Variants in MECOM observed in about 807,000 individuals in gnomAD.
The protein encoded by MECOM is MDS1 and EVI1 complex locus.
Under a neutral mutation model 116.3 loss-of-function variants are expected in MECOM, and 13 were observed. The observed-to-expected ratio is 0.11, with a 90% CI of 0.07 to 0.18. The LOEUF is 0.18. MECOM is among the 10% of genes least tolerant of loss of function. The pLI is 1.00. For synonymous variants in MECOM, 528 were observed against 535.2 expected (o/e 0.99, Z 0.19); for missense variants, 1,299 against 1,509.0 (o/e 0.86, Z 2.31).
At chr3:169,463,985 C>A (rs770868583) in intron 1 of MECOM, 1 of 152,052 alleles carries the variant, frequency 6.6e-6, no homozygotes, top group East Asian at 1.9e-4. Flanking sequence ...CCTTAATCTG[C>A]GAAGTTTCTG....
intron 1 of MECOM, among the ~76,000 whole-genome samples, chr3:169,469,286 C>G (rs1019101972): frequency 6.6e-6 from 1 of 152,108 alleles, no homozygotes; most frequent in Admixed American, 6.6e-5. Flanking sequence ...ATGTGTGGAA[C>G]AGTAAGAAGT....
chr3:169,097,308 C>T (rs1046057059), intron 12 of MECOM, among the ~76,000 whole-genome samples: 3 of 152,048 alleles, frequency 2.0e-5, no homozygotes, highest in African/African-American at 7.2e-5. Context: ...TCAGTTGTTA[C>T]TTTCTATCTC....
intron 2 of MECOM, among the ~76,000 whole-genome samples, chr3:169,158,142 A>G (rs1043105758): frequency 6.6e-6 from 1 of 152,096 alleles, no homozygotes; most frequent in Non-Finnish European, 1.5e-5. Context: ...AATTTAAATG[A>G]CTCACTAAGT....
chr3:169,346,358 A>G (rs982772144), intron 2 of MECOM, among the ~76,000 whole-genome samples: 1 of 152,070 alleles, frequency 6.6e-6, no homozygotes, highest in Non-Finnish European at 1.5e-5. Flanking sequence ...ATGAACCATC[A>G]TCATACATTC....
At chr3:169,283,414 C>CA (rs59862177) in intron 2 of MECOM, among the ~76,000 whole-genome samples, 35,258 of 143,312 alleles carry the variant, frequency 0.25, 8,630 homozygotes, top group African/African-American at 0.63. Context: ...GACCCCATCT[C>CA]AAAAAAAAAA....
At chr3:169,171,745 T>C (rs552940245) in intron 2 of MECOM, among the ~76,000 whole-genome samples, 10 of 152,090 alleles carry the variant, frequency 6.6e-5, no homozygotes, top group African/African-American at 2.4e-4. Context: ...TATTGTAAAA[T>C]GGGAAAGACC....
chr3:169,401,643 C>T (rs1735925407), intron 1 of MECOM, among the ~76,000 whole-genome samples: 2 of 151,896 alleles, frequency 1.3e-5, no homozygotes, highest in Admixed American at 6.6e-5. Flanking sequence ...AGTGGCCACA[C>T]CCAAGAAGGG....
At chr3:169,195,374 A>T (rs1405782655) in intron 2 of MECOM, among the ~76,000 whole-genome samples, 1 of 152,046 alleles carries the variant, frequency 6.6e-6, no homozygotes, top group East Asian at 1.9e-4. Context: ...GTAGAATGTG[A>T]CTAAAGCAAA....
chr3:169,148,487 TA>T (rs1740539563), intron 2 of MECOM, among the ~76,000 whole-genome samples: 1 of 152,218 alleles, frequency 6.6e-6, no homozygotes, highest in Non-Finnish European at 1.5e-5. Flanking sequence ...TTGTAAGATT[TA>T]GTAAATCCCA....
chr3:169,573,502 C>A (rs1412656522), intron 1 of MECOM, among the ~76,000 whole-genome samples: 1 of 152,186 alleles, frequency 6.6e-6, no homozygotes, highest in African/African-American at 2.4e-5. Flanking sequence ...GTCAGCCAGA[C>A]TGCCTGCCTC....
intron 1 of MECOM, among the ~76,000 whole-genome samples, chr3:169,406,528 T>A (rs1736716807): frequency 6.6e-6 from 1 of 152,216 alleles, no homozygotes; most frequent in African/African-American, 2.4e-5. Flanking sequence ...CTGATGAAGA[T>A]ATCATTTTTA....
chr3:169,520,994 G>A (rs1757284750), intron 1 of MECOM, among the ~76,000 whole-genome samples: 1 of 152,086 alleles, frequency 6.6e-6, no homozygotes, highest in Non-Finnish European at 1.5e-5. Flanking sequence ...ATATACACAA[G>A]GTCTGTCATA....
intron 1 of MECOM, among the ~76,000 whole-genome samples, chr3:169,514,846 G>C (rs1041877645): frequency 6.6e-6 from 1 of 152,110 alleles, no homozygotes; most frequent in East Asian, 1.9e-4. Context: ...TAATATCTGA[G>C]AGCCAGTATA....
chr3:169,148,294 T>C lies in MECOM; in HGVS notation c.376-4462A>G, dbSNP rs532320903. 9.2e-5 allele frequency among the ~76,000 whole-genome samples: 14 copies of C among 152,330 alleles called. No individual in the cohort carries two copies. The South Asian group carries it at 2.9e-3, about 32-fold the overall frequency. ...CAATAAGCAATTTGACGACTCAGAT[T>C]ATTTTTGAACGTTTAACATCATAAA... On this transcript the variant is annotated intron_variant, in intron 2 of 16. Coordinates refer to ENST00000651503, the MANE Select transcript of MECOM (RefSeq NM_004991.4).
At chr3:169,536,751 A>G (rs1471703292) in intron 1 of MECOM, among the ~76,000 whole-genome samples, 3 of 152,176 alleles carry the variant, frequency 2.0e-5, no homozygotes, top group Admixed American at 6.5e-5. Flanking sequence ...TTTTAATTTT[A>G]ACACTTACCA....
chr3:169,386,160 C>T lies in MECOM; in HGVS notation c.38-4636G>A, dbSNP rs1172091086. Among the ~76,000 whole-genome samples, 4 of 152,092 alleles carry T rather than the reference C, an allele frequency of 2.6e-5. No individual in the cohort carries two copies. In the East Asian group the frequency reaches 5.8e-4, roughly 22 times the overall value. On this transcript the variant is annotated intron_variant, in intron 1 of 16. Transcript: ENST00000651503. ...TTTATATGTGTCTTTGAATAACTAC[C>T]ATAGGTTTCCACTTCAGAAGTATTC...
intron 2 of MECOM, among the ~76,000 whole-genome samples, chr3:169,184,315 G>A (rs755288021): frequency 5.9e-5 from 9 of 152,084 alleles, no homozygotes; most frequent in Non-Finnish European, 1.2e-4. Context: ...GGACTTCAAA[G>A]GGAGAAAATG....
At chr3:169,354,414 A>C (rs1472166170) in intron 2 of MECOM, among the ~76,000 whole-genome samples, 1 of 151,914 alleles carries the variant, frequency 6.6e-6, no homozygotes, top group Non-Finnish European at 1.5e-5. Flanking sequence ...CTCAGTCCCC[A>C]TAAAGCTTAA....
chr3:169,402,318 A>G (rs1190738585), intron 1 of MECOM, among the ~76,000 whole-genome samples: 1 of 152,190 alleles, frequency 6.6e-6, no homozygotes, highest in Non-Finnish European at 1.5e-5. Flanking sequence ...ATACTGAACA[A>G]TGAATCAGGA....
Sources: gnomAD v4.1 joint callset for allele counts (sites outside exome capture counted in the v4.1 genomes callset) on GRCh38, gnomAD v4.1.1 for gene constraint, MANE v1.5 for transcripts, NCBI Gene and HGNC (gene_info 2026-07-23, HGNC 2026-07-21) for gene names.